The following GPHN variants were observed in gnomAD, a reference collection of about 807,000 sequenced individuals.
GPHN encodes gephyrin.
A neutral mutation model predicts 95.5 loss-of-function variants in GPHN; 17 were observed. That is an observed-to-expected ratio of 0.18 (90% confidence interval 0.12 to 0.27). The LOEUF (loss-of-function observed/expected upper bound fraction) is 0.27, where lower values mean the gene tolerates loss of function less well. Ranked by LOEUF, GPHN falls within the 10% of genes least tolerant of loss-of-function variation. GPHN has a pLI of 1.00. For synonymous variants in GPHN, 320 were observed against 322.5 expected, an observed-to-expected ratio of 0.99 and a Z score of 0.08; for missense variants, 660 against 978.1, an observed-to-expected ratio of 0.67 and a Z score of 4.34.
chr14:67,121,504 G>A (rs1338471457), intron 16 of GPHN, among the ~76,000 whole-genome samples: 1 of 152,092 alleles, frequency 6.6e-6, no homozygotes, highest in Non-Finnish European at 1.5e-5. Flanking sequence ...TTTTATAAAT[G>A]AGAAAATTAC....
rs143908902 is a variant in GPHN at position 66,934,576 on chromosome 14, C to T, written c.828+10284C>T. 3.7e-3 allele frequency among the ~76,000 whole-genome samples: 559 copies of T among 152,292 alleles called. 5 individuals are homozygous for T. The highest frequency in any genetic ancestry group is 0.013 in the African/African-American group (537 of 41,560). The stretch of plus-strand genomic sequence containing the variant: ...AGCAGTCAGAGCCAGTGGATTTCAT[C>T]TCTTATATTTTAATTTAACTACTGG... On this transcript the variant is annotated intron_variant, in intron 8 of 22. Transcript: ENST00000478722.
chr14:67,000,817 G>A (rs1456459924), intron 9 of GPHN, among the ~76,000 whole-genome samples: 1 of 151,574 alleles, frequency 6.6e-6, no homozygotes, highest in Admixed American at 6.6e-5. Context: ...ATTACATTCT[G>A]TTTGACAGGG....
intron 18 of GPHN, among the ~76,000 whole-genome samples, chr14:67,154,294 T>C (rs555723876): frequency 4.7e-4 from 72 of 152,344 alleles, no homozygotes; most frequent in Admixed American, 2.0e-3. Flanking sequence ...AATATATCAC[T>C]ACCTCTTCTA....
At chr14:67,043,682 A>G (rs1594913008) in intron 10 of GPHN, among the ~76,000 whole-genome samples, 1 of 151,982 alleles carries the variant, frequency 6.6e-6, no homozygotes, top group Non-Finnish European at 1.5e-5. Context: ...TATTGGCTTG[A>G]AATTTTCCTT....
At chr14:67,104,876 C>T (rs568499734) in intron 13 of GPHN, among the ~76,000 whole-genome samples, 1 of 152,020 alleles carries the variant, frequency 6.6e-6, no homozygotes, top group South Asian at 2.1e-4. Flanking sequence ...TTTCCTTCTT[C>T]TGATTTTGGA....
At chr14:66,705,037 C>G (rs997045902) in intron 2 of GPHN, among the ~76,000 whole-genome samples, 2 of 152,240 alleles carry the variant, frequency 1.3e-5, no homozygotes, top group African/African-American at 4.8e-5. Flanking sequence ...CTATAAACAC[C>G]TCTAGGCAAA....
chr14:67,542,775 G>A, the GPHN span, among the ~76,000 whole-genome samples: 1,635 of 152,062 alleles, frequency 0.011, 38 homozygotes, highest in African/African-American at 0.038. Flanking sequence ...ATCGCAGCTC[G>A]CCACAATCTC....
chr14:67,014,473 A>G (rs1315360717), intron 9 of GPHN, among the ~76,000 whole-genome samples: 1 of 152,122 alleles, frequency 6.6e-6, no homozygotes, highest in Admixed American at 6.5e-5. Context: ...CCCTGTTCTC[A>G]GTGGTTCTCA....
At chr14:66,749,018 C>T (rs902611160) in intron 2 of GPHN, among the ~76,000 whole-genome samples, 2 of 151,944 alleles carry the variant, frequency 1.3e-5, no homozygotes, top group Non-Finnish European at 2.9e-5. Context: ...TCATCCCTTT[C>T]TCCTCACAAG....
chr14:67,425,218 G>A, the GPHN span, among the ~76,000 whole-genome samples: 1 of 152,130 alleles, frequency 6.6e-6, no homozygotes, highest in Non-Finnish European at 1.5e-5. Flanking sequence ...TGAGCAGCTA[G>A]GACTACAGGC....
At chr14:67,273,877 A>G in the GPHN span, among the ~76,000 whole-genome samples, 5 of 152,262 alleles carry the variant, frequency 3.3e-5, no homozygotes, top group South Asian at 2.1e-4. Flanking sequence ...GACCAGTGAT[A>G]ATGAGCATTT....
intron 2 of GPHN, among the ~76,000 whole-genome samples, chr14:66,746,662 G>T (rs2058163039): frequency 6.6e-6 from 1 of 151,574 alleles, no homozygotes; most frequent in South Asian, 2.1e-4. Context: ...TTCCCTTGGG[G>T]CTGTTTTTTT....
the GPHN span, among the ~76,000 whole-genome samples, chr14:67,728,636 A>G: frequency 6.6e-6 from 1 of 151,612 alleles, no homozygotes; most frequent in African/African-American, 2.4e-5. Context: ...AATACATTTA[A>G]AGCATGTTGT....
chr14:66,935,163 G>A (rs77314912), intron 8 of GPHN, among the ~76,000 whole-genome samples: 12 of 152,164 alleles, frequency 7.9e-5, no homozygotes, highest in African/African-American at 2.2e-4. Flanking sequence ...GCAACTGATA[G>A]GTTCAAAACT....
At chr14:67,426,904 C>G in the GPHN span, among the ~76,000 whole-genome samples, 1 of 152,136 alleles carries the variant, frequency 6.6e-6, no homozygotes, top group South Asian at 2.1e-4. Flanking sequence ...ACAACGTCTG[C>G]AGATTCCTAG....
At chr14:67,583,691 C>A in the GPHN span, 114 of 1,493,398 alleles carry the variant, frequency 7.6e-5, no homozygotes, top group Non-Finnish European at 1.0e-4. Flanking sequence ...CCCCACCTGG[C>A]CCATCCACTG....
At chr14:67,677,361 GGAT>G in the GPHN span, 1 of 44,346 alleles carries the variant, frequency 2.3e-5, no homozygotes, top group Non-Finnish European at 5.2e-5. Context: ...TTTGTTTTTA[GGAT>G]TTTTTTTTTT....
chr14:67,300,679 C>T, the GPHN span, among the ~76,000 whole-genome samples: 1 of 151,814 alleles, frequency 6.6e-6, no homozygotes, highest in East Asian at 1.9e-4. Flanking sequence ...TAGTAGGTGC[C>T]ATTCTAAAGA....
chr14:66,786,457 A>G (rs184399550), intron 3 of GPHN, among the ~76,000 whole-genome samples: 1 of 152,182 alleles, frequency 6.6e-6, no homozygotes, highest in Admixed American at 6.5e-5. Flanking sequence ...AATTCTACCA[A>G]ATATTTAAAA....
Sources: allele counts gnomAD v4.1 joint callset (sites outside exome capture counted in the v4.1 genomes callset), GRCh38; gene constraint gnomAD v4.1.1; transcripts MANE v1.5; gene names NCBI Gene and HGNC (gene_info 2026-07-23, HGNC 2026-07-21).